JAK2: variants seen among roughly 807,000 people sequenced by gnomAD.
The protein encoded by JAK2 is Janus kinase 2.
Under a neutral mutation model 139.3 loss-of-function variants are expected in JAK2, and 86 were observed. The ratio of observed to expected loss-of-function variants is 0.62; its 90% CI spans 0.52 to 0.74. The LOEUF is 0.74. Among genes scored for constraint, JAK2 ranks in the 30% least tolerant of loss-of-function variants. The pLI is 0.00. For synonymous variants in JAK2, 490 were observed against 437.7 expected (o/e 1.12, Z -1.49); for missense variants, 1,421 against 1,360.3 (o/e 1.04, Z -0.70).
At chr9:5,022,552 T>G (rs1822498459) in intron 3 of JAK2, among the ~76,000 whole-genome samples, 1 of 152,212 alleles carries the variant, frequency 6.6e-6, no homozygotes, top group Admixed American at 6.5e-5. Flanking sequence ...AAGCAAAAAA[T>G]TAATGTTTTG....
intron 18 of JAK2, among the ~76,000 whole-genome samples, 196 bp from the exon 19 acceptor site, chr9:5,081,529 A>G (rs1458475940): frequency 4.6e-5 from 7 of 152,142 alleles, no homozygotes; most frequent in Admixed American, 2.6e-4. Flanking sequence ...ATCCTTTGCA[A>G]AGTCTCTCTT....
chr9:4,995,034 G>A (rs1311811662), intron 2 of JAK2, among the ~76,000 whole-genome samples: 1 of 152,114 alleles, frequency 6.6e-6, no homozygotes, highest in Non-Finnish European at 1.5e-5. Context: ...AACAAATATT[G>A]CCAAATTGAC....
At chr9:5,048,464 C>G (rs1490884259) in intron 5 of JAK2, among the ~76,000 whole-genome samples, 1 of 152,020 alleles carries the variant, frequency 6.6e-6, no homozygotes, top group Non-Finnish European at 1.5e-5. Flanking sequence ...TATAGGGAAC[C>G]AAGGCAGGCT....
At chr9:5,089,647 T>G in intron 19 of JAK2, 27 bp from the exon 20 acceptor site, 1 of 1,244,538 alleles carries the variant, frequency 8.0e-7, no homozygotes, top group Non-Finnish European at 1.0e-6. Context: ...ACTTGGTATT[T>G]CCATCCTAAT....
At chr9:5,056,133 A>G (rs1041246527) in intron 8 of JAK2, among the ~76,000 whole-genome samples, 1 of 152,084 alleles carries the variant, frequency 6.6e-6, no homozygotes, top group Non-Finnish European at 1.5e-5. Flanking sequence ...AGGGATGTAT[A>G]TGTGCCAGTT....
chr9:5,110,058 C>T (rs1201576476), intron 22 of JAK2: 1 of 152,182 alleles, frequency 6.6e-6, no homozygotes, highest in Non-Finnish European at 1.5e-5. Flanking sequence ...ATGAGAGATT[C>T]AACAAGCATT....
At chr9:5,097,218 C>T (rs1327962259) in intron 22 of JAK2, 4 of 152,234 alleles carry the variant, frequency 2.6e-5, no homozygotes, top group African/African-American at 4.8e-5. Flanking sequence ...TTTCGTCCAA[C>T]CATTCCTCAT....
chr9:5,040,249 C>T (rs906040402), intron 4 of JAK2, among the ~76,000 whole-genome samples: 65 of 150,994 alleles, frequency 4.3e-4, no homozygotes, highest in African/African-American at 1.6e-3. Context: ...TGGATATCCA[C>T]ATGTAAACTA....
intron 22 of JAK2, among the ~76,000 whole-genome samples, chr9:5,116,397 C>T (rs972446698): frequency 8.5e-5 from 13 of 152,168 alleles, no homozygotes; most frequent in African/African-American, 3.1e-4. Flanking sequence ...GAAATGTCGT[C>T]ATGATAAACA....
chr9:5,067,101 A>C (rs535477933), intron 10 of JAK2, among the ~76,000 whole-genome samples: 2 of 152,102 alleles, frequency 1.3e-5, no homozygotes, highest in Non-Finnish European at 1.5e-5. Flanking sequence ...TTTGTTTGCA[A>C]AACTGGAAAT....
At chr9:5,048,406 G>C (rs975782965) in intron 5 of JAK2, among the ~76,000 whole-genome samples, 2 of 152,146 alleles carry the variant, frequency 1.3e-5, no homozygotes, top group African/African-American at 4.8e-5. Flanking sequence ...CTTCTAAAGT[G>C]CTGGGATTAC....
chr9:5,059,085 C>G (rs891466251), intron 8 of JAK2, among the ~76,000 whole-genome samples: 9 of 152,106 alleles, frequency 5.9e-5, no homozygotes, highest in Non-Finnish European at 1.3e-4. Context: ...TGAGATATAA[C>G]ATGAACCCAG....
chr9:5,051,646 A>G (rs113824458), intron 6 of JAK2, among the ~76,000 whole-genome samples: 179 of 152,298 alleles, frequency 1.2e-3, no homozygotes, highest in African/African-American at 4.2e-3. Context: ...AGGTATATAT[A>G]AGAATGGTTT....
chr9:5,112,579 C>T (rs1279154783), intron 22 of JAK2: 4 of 695,062 alleles, frequency 5.8e-6, no homozygotes, highest in East Asian at 5.8e-5. Context: ...GCTGCGGGTC[C>T]CTTAAGAGGG....
intron 18 of JAK2, 146 bp from the exon 19 acceptor site, chr9:5,081,579 A>C: frequency 8.4e-6 from 5 of 595,126 alleles, no homozygotes; most frequent in Non-Finnish European, 1.5e-5. Flanking sequence ...AAAGGCTCCC[A>C]TTAATATAAT....
At position 5,089,881 on chromosome 9, in the gene JAK2, A is replaced by G. The variant is rs373220574; in HGVS notation, c.2761+18A>G. The G allele has an allele frequency of 7.0e-7, 1 of 1,430,158 alleles. No individual in the cohort carries two copies. Among genetic ancestry groups the G allele is most frequent in the Non-Finnish European group, 9.2e-7 (1 of 1,088,362 alleles). 88.6% of individuals were successfully genotyped at this position (1,430,158 alleles called of 1,614,324 possible). On this transcript the variant is annotated intron_variant, in intron 20 of 24. Coordinates refer to ENST00000381652, the MANE Select transcript of JAK2 (RefSeq NM_004972.4). ...CAGTGCTGGTAAGCTGCCCATTGAA[A>G]CCTATTTTAAATTCAAGGTATGTGT... is the stretch of plus-strand genomic sequence containing the variant.
In JAK2 at chr9:5,054,678, A is replaced by C. The variant is rs1196403245; in HGVS notation, c.730A>C (p.Lys244Gln). ...ATTTATTCAGCAATTCAGCCAATGC[A>C]AAGCCACTGCCAGAAACTTGAAACT... is the stretch of plus-strand genomic sequence containing the variant. The part of the protein sequence containing the change: ...RRFIQQFSQC[K>Q]ATARNLKLKY... Residue 244 changes from lysine to glutamine, a missense_variant, in exon 7 of 25, where the codon AAA becomes CAA. Physicochemically the swap from Lys to Gln is moderately conservative, Grantham distance 53. Coordinates refer to ENST00000381652, the MANE Select transcript of JAK2 (RefSeq NM_004972.4). The surrounding 1 kb of genome is among the most constrained non-coding windows in gnomAD (Gnocchi z 4.9). 6.2e-7 allele frequency: 1 copy of C among 1,613,470 alleles called. No homozygotes were observed. Among genetic ancestry groups the C allele is most frequent in the Non-Finnish European group, 8.5e-7 (1 of 1,179,480 alleles).
At chr9:5,041,396 A>T in intron 4 of JAK2, 1 of 628,044 alleles carries the variant, frequency 1.6e-6, no homozygotes, top group Admixed American at 2.3e-5. Context: ...GAGCCACTGC[A>T]ACAACCTGGA....
intron 22 of JAK2, among the ~76,000 whole-genome samples, chr9:5,103,672 G>C (rs1821711298): frequency 6.6e-6 from 1 of 151,996 alleles, no homozygotes; most frequent in Non-Finnish European, 1.5e-5. Flanking sequence ...TAGAAGTAAA[G>C]CACTTCTCAC....
Sources: gnomAD v4.1 joint callset for allele counts (sites outside exome capture counted in the v4.1 genomes callset) on GRCh38, gnomAD v4.1.1 for gene constraint, Gnocchi (gnomAD v3.1) non-coding constraint, MANE v1.5 for transcripts, NCBI Gene and HGNC (gene_info 2026-07-23, HGNC 2026-07-21) for gene names.